The following ZNF79 variants were observed in gnomAD, a reference collection of about 807,000 sequenced individuals.
ZNF79 encodes ZNFpT7.
A neutral mutation model predicts 14.9 loss-of-function variants in ZNF79; 13 were observed. The observed-to-expected ratio is 0.87, with a 90% CI of 0.57 to 1.38. The LOEUF is 1.38. ZNF79 is among the 40% of genes most tolerant of loss of function. The pLI is 0.00. For synonymous variants in ZNF79, 223 were observed against 235.1 expected (o/e 0.95, Z 0.47); for missense variants, 631 against 630.6 (o/e 1.00, Z -0.01).
chr9:127,445,273 TAA>T lies in ZNF79; in HGVS notation c.*78_*79del. 6.7e-7 allele frequency: 1 copy of T among 1,503,384 alleles called. No individual in the cohort carries two copies. Among genetic ancestry groups the T allele is most frequent in the East Asian group, 2.3e-5 (1 of 44,184 alleles). 93.1% of individuals were successfully genotyped at this position (1,503,384 alleles called of 1,614,324 possible). A position where few individuals can be genotyped will look rare whatever the true frequency, so the allele number is the denominator to read the frequency against. On this transcript the variant is annotated 3_prime_UTR_variant, in exon 5 of 5. Transcript: ENST00000342483. Reference sequence around the variant, plus strand: ...AGGTGGGTGAGGATCTGAGAAATGCTAAAGGCTTGAAAGCATCTGAAGACATC... The same window carrying T: ...AGGTGGGTGAGGATCTGAGAAATGCTAGGCTTGAAAGCATCTGAAGACATC...
At chr9:127,436,309 A>T (rs2131954107) in intron 4 of ZNF79, among the ~76,000 whole-genome samples, 1 of 152,242 alleles carries the variant, frequency 6.6e-6, no homozygotes, top group Admixed American at 6.5e-5. Flanking sequence ...CTGGCCTCTA[A>T]AGAGTATCCT....
rs1667705266 is a variant in ZNF79 at position 127,424,682 on chromosome 9, C to T, written c.-106C>T. The T allele has an allele frequency of 6.4e-6, 10 of 1,558,466 alleles. No homozygotes were observed. The South Asian group carries it at 1.0e-4, about 16-fold the overall frequency. On this transcript the variant is annotated 5_prime_UTR_variant, in exon 1 of 5. Transcript: ENST00000342483. ...GAGAGGCTGGAGAGGAAGAGTCCGG[C>T]CTGGGAGCCGTCAGAGCAGCCCTGC... is the stretch of plus-strand genomic sequence containing the variant.
intron 2 of ZNF79, among the ~76,000 whole-genome samples, chr9:127,431,807 A>C (rs1361710819): frequency 6.6e-6 from 1 of 152,218 alleles, no homozygotes; most frequent in Non-Finnish European, 1.5e-5. Flanking sequence ...ATGGCTAGCC[A>C]GCTATCCCAG....
At chr9:127,437,089 C>T (rs562437469) in intron 4 of ZNF79, among the ~76,000 whole-genome samples, 3 of 148,368 alleles carry the variant, frequency 2.0e-5, no homozygotes, top group Admixed American at 1.3e-4. Context: ...AAAGAAGATG[C>T]AACCTGTCTG....
intron 2 of ZNF79, among the ~76,000 whole-genome samples, chr9:127,434,092 A>C (rs1046639021): frequency 5.3e-5 from 8 of 151,980 alleles, no homozygotes; most frequent in Non-Finnish European, 8.8e-5. Context: ...CCCCCCACCC[A>C]AACTGCCTGC....
At chr9:127,436,573 T>C (rs1833951438) in intron 4 of ZNF79, among the ~76,000 whole-genome samples, 1 of 152,216 alleles carries the variant, frequency 6.6e-6, no homozygotes, top group South Asian at 2.1e-4. Flanking sequence ...CCACTGCGTC[T>C]CTCTTACCAC....
chr9:127,427,699 G>A (rs543731099), intron 1 of ZNF79, among the ~76,000 whole-genome samples: 1 of 152,028 alleles, frequency 6.6e-6, no homozygotes, highest in African/African-American at 2.4e-5. Context: ...GCGCCACCAC[G>A]GCTAATTTTT....
chr9:127,433,334 G>T (rs982136050), intron 2 of ZNF79, among the ~76,000 whole-genome samples: 2 of 152,176 alleles, frequency 1.3e-5, no homozygotes, highest in African/African-American at 4.8e-5. Context: ...CAGGTTGCTG[G>T]CTTGGCCAGC....
intron 2 of ZNF79, among the ~76,000 whole-genome samples, chr9:127,431,361 C>T (rs1457474092): frequency 1.3e-5 from 2 of 151,728 alleles, no homozygotes; most frequent in African/African-American, 4.8e-5. Context: ...AATGCTCAAG[C>T]GATTCTCGTG....
rs202118813 is a variant in ZNF79 at position 127,428,852 on chromosome 9, G to A, written c.37G>A (p.Ala13Thr). ...EEGVLPSPGP[A>T]LPQEENTGEE... ...TCTAGTACTGCCTTCCCCAGGCCCTGCCCTTCCCCAAGAGGAAAACACAGG... is the reference window on the plus strand; with the variant it reads ...TCTAGTACTGCCTTCCCCAGGCCCTACCCTTCCCCAAGAGGAAAACACAGG... The change falls in exon 2 of 5, where the codon GCC becomes ACC. Residue 13 changes from alanine (A) to threonine (T), a missense_variant. Ala to Thr is a moderately conservative substitution (Grantham distance 58). Transcript: ENST00000342483. 15 of 1,606,328 alleles carry A rather than the reference G, an allele frequency of 9.3e-6. No homozygotes were observed. Among genetic ancestry groups the A allele is most frequent in the Non-Finnish European group, 1.2e-5 (14 of 1,175,856 alleles).
Position 127,435,085 on chromosome 9 carries a change from T to C in ZNF79, c.106-5T>C. On this transcript the variant is annotated splice_polypyrimidine_tract_variant and splice_region_variant and intron_variant, in intron 2 of 4. Coordinates refer to ENST00000342483, the MANE Select transcript of ZNF79 (RefSeq NM_007135.3). ...TGGCAAGATGAAATGTGCTTGTTTTTTCAGGGATCCACATTCTTCAGCAGT... is the reference window on the plus strand; with the variant it reads ...TGGCAAGATGAAATGTGCTTGTTTTCTCAGGGATCCACATTCTTCAGCAGT... 1 of 1,605,548 alleles carries C rather than the reference T, an allele frequency of 6.2e-7. No homozygotes were observed. The highest frequency in any genetic ancestry group is 8.5e-7 in the Non-Finnish European group (1 of 1,176,726).
In ZNF79 at chr9:127,424,780, G is replaced by C. The variant is rs766849108; in HGVS notation, c.-8G>C. On this transcript the variant is annotated 5_prime_UTR_variant, in exon 1 of 5. Transcript: ENST00000342483. Reference sequence around the variant, plus strand: ...TGCTGGGAGGCTGTGGCGCGAGGCGGGACTCAAATGCTGGAGGAAGGAGGT... The same window carrying C: ...TGCTGGGAGGCTGTGGCGCGAGGCGCGACTCAAATGCTGGAGGAAGGAGGT... The C allele has an allele frequency of 6.2e-7, 1 of 1,613,918 alleles. No homozygotes were observed. The highest frequency in any genetic ancestry group is 8.5e-7 in the Non-Finnish European group (1 of 1,180,014).
chr9:127,426,292 TC>T (rs903268671), intron 1 of ZNF79, among the ~76,000 whole-genome samples: 238 of 152,088 alleles, frequency 1.6e-3, no homozygotes, highest in African/African-American at 5.6e-3. Flanking sequence ...TCTCCACAAG[TC>T]ACTGGCAACC....
Position 127,424,822 on chromosome 9 carries a change from A to C in ZNF79, c.16+19A>C. 6.2e-7 allele frequency: 1 copy of C among 1,613,704 alleles called. No homozygotes were observed. Among genetic ancestry groups the C allele is most frequent in the Non-Finnish European group, 8.5e-7 (1 of 1,179,898 alleles). ...GAAGGAGGTGAGGAGTGGTAGAGGG[A>C]GCGATTGTCAAGAGATCGGCTGCTG... On this transcript the variant is annotated intron_variant, in intron 1 of 4. Transcript: ENST00000342483.
Position 127,424,519 on chromosome 9 carries a change from C to T in ZNF79, c.-269C>T, listed in dbSNP as rs1833713042. 4 of 420,692 alleles carry T rather than the reference C, an allele frequency of 9.5e-6. No homozygotes were observed. In the South Asian group the frequency reaches 1.2e-4, roughly 13 times the overall value. 26.1% of individuals were successfully genotyped at this position (420,692 alleles called of 1,614,324 possible). A position where few individuals can be genotyped will look rare whatever the true frequency, so the allele number is the denominator to read the frequency against. On this transcript the variant is annotated 5_prime_UTR_variant, in exon 1 of 5. Coordinates refer to ENST00000342483, the MANE Select transcript of ZNF79 (RefSeq NM_007135.3). ...CAGTCGTTTTTCGGAAAGCTGGCAGCGGCTTTTTCACCGGGTTCTGCTTGA... is the reference window on the plus strand; with the variant it reads ...CAGTCGTTTTTCGGAAAGCTGGCAGTGGCTTTTTCACCGGGTTCTGCTTGA...
At chr9:127,433,177 G>T (rs1315518312) in intron 2 of ZNF79, among the ~76,000 whole-genome samples, 3 of 152,180 alleles carry the variant, frequency 2.0e-5, no homozygotes, top group Non-Finnish European at 4.4e-5. Flanking sequence ...AAAATCAGAG[G>T]CCTGGAGACT....
At chr9:127,431,758 G>T (rs1041062825) in intron 2 of ZNF79, among the ~76,000 whole-genome samples, 1 of 152,008 alleles carries the variant, frequency 6.6e-6, no homozygotes, top group African/African-American at 2.4e-5. Context: ...AATTTTTGTC[G>T]ATGGTGAAAG....
intron 2 of ZNF79, among the ~76,000 whole-genome samples, chr9:127,433,879 A>C (rs1833901083): frequency 6.6e-6 from 1 of 152,080 alleles, no homozygotes; most frequent in Non-Finnish European, 1.5e-5. Context: ...CCTTGCATCT[A>C]GTCCCTCTCC....
At chr9:127,438,844 C>T (rs372515651) in intron 4 of ZNF79, among the ~76,000 whole-genome samples, 5 of 152,168 alleles carry the variant, frequency 3.3e-5, no homozygotes, top group African/African-American at 1.2e-4. Context: ...GGCGCAGTGG[C>T]TCACGCTTGT....
Sources: gnomAD v4.1 joint callset for allele counts (sites outside exome capture counted in the v4.1 genomes callset) on GRCh38, gnomAD v4.1.1 for gene constraint, MANE v1.5 for transcripts, NCBI Gene and HGNC (gene_info 2026-07-23, HGNC 2026-07-21) for gene names.